ZFHX3: variants seen among roughly 807,000 people sequenced by gnomAD.
ZFHX3 encodes the protein zinc finger homeobox protein 3.
ZFHX3 carries 42 observed loss-of-function variants against 279.1 expected under a neutral mutation model. The observed-to-expected ratio is 0.15, with a 90% CI of 0.12 to 0.19. ZFHX3 has a LOEUF of 0.19. Among genes scored for constraint, ZFHX3 ranks in the 10% least tolerant of loss-of-function variants. The probability of loss-of-function intolerance (pLI) is 1.00; values close to 1 mark genes in which losing one functional copy is unlikely to be tolerated. For missense variants in ZFHX3, 4,981 were observed against 4,754.0 expected, an observed-to-expected ratio of 1.05 and a Z score of -1.40; for synonymous variants, 2,293 against 1,957.8, an observed-to-expected ratio of 1.17 and a Z score of -4.52.
At chr16:73,817,397 T>C (rs1214086302) in intron 1 of ZFHX3, among the ~76,000 whole-genome samples, 1 of 152,204 alleles carries the variant, frequency 6.6e-6, no homozygotes, top group African/African-American at 2.4e-5. Flanking sequence ...CAATATCCTG[T>C]CATCACTAAT....
At chr16:73,872,204 T>G (rs1273325296) in intron 1 of ZFHX3, among the ~76,000 whole-genome samples, 1 of 151,980 alleles carries the variant, frequency 6.6e-6, no homozygotes, top group African/African-American at 2.4e-5. Context: ...ATATGGCTGC[T>G]GTCCTCCAAT....
intron 2 of ZFHX3, among the ~76,000 whole-genome samples, chr16:73,556,293 C>CCGAAGGAGAGAA (rs2020281068): frequency 6.6e-6 from 1 of 151,960 alleles, no homozygotes; most frequent in South Asian, 2.1e-4. Context: ...CAACAAGGAT[C>CCGAAGGAGAGAA]CGAAGGAGAG....
At chr16:72,955,187 C>T (rs1239687896) in intron 2 of ZFHX3, among the ~76,000 whole-genome samples, 1 of 152,156 alleles carries the variant, frequency 6.6e-6, no homozygotes, top group Non-Finnish European at 1.5e-5. Context: ...CCAAGGAAGG[C>T]ACAGGTTTCC....
chr16:73,265,075 A>G lies in ZFHX3; in HGVS notation c.-1193-7939T>C, dbSNP rs555865483. The stretch of plus-strand genomic sequence containing the variant: ...TATATAATAGCACCTCAGCGCATAT[A>G]TGCGTGTGTGTGTGTGTGTGTGTGT... On this transcript the variant is annotated intron_variant, in intron 4 of 17. Transcript: ENST00000641206. Among the ~76,000 whole-genome samples the G allele has an allele frequency of 4.8e-4, 44 of 91,198 alleles. 1 individual carries two copies. The East Asian group carries it at 0.016, about 34-fold the overall frequency. 59.8% of individuals were successfully genotyped at this position (91,198 alleles called of 152,430 possible).
chr16:73,644,235 CT>C (rs1567540967), intron 2 of ZFHX3, among the ~76,000 whole-genome samples: 1 of 152,112 alleles, frequency 6.6e-6, no homozygotes, highest in Admixed American at 6.5e-5. Flanking sequence ...CCGAGTCCTC[CT>C]TTCCTTGCTC....
intron 3 of ZFHX3, among the ~76,000 whole-genome samples, chr16:73,410,305 A>G (rs1468781792): frequency 1.3e-5 from 2 of 152,126 alleles, no homozygotes; most frequent in African/African-American, 4.8e-5. Flanking sequence ...AATGCCAGCT[A>G]CTCAGGAGGC....
At chr16:73,561,705 C>T (rs2020372199) in intron 2 of ZFHX3, among the ~76,000 whole-genome samples, 1 of 152,076 alleles carries the variant, frequency 6.6e-6, no homozygotes, top group Admixed American at 6.6e-5. Flanking sequence ...TTCTCTTTTC[C>T]CTTCTGATTA....
intron 5 of ZFHX3, among the ~76,000 whole-genome samples, chr16:73,185,100 C>T (rs1485677308): frequency 6.6e-6 from 1 of 152,044 alleles, no homozygotes; most frequent in Non-Finnish European, 1.5e-5. Context: ...GCCTCAGCCT[C>T]CCTGGTAGCT....
intron 2 of ZFHX3, among the ~76,000 whole-genome samples, chr16:73,512,986 T>A (rs539563681): frequency 3.9e-5 from 6 of 152,306 alleles, no homozygotes; most frequent in Admixed American, 3.3e-4. Flanking sequence ...GGAAATGCCA[T>A]CATAGAAGAG....
At chr16:73,030,196 A>T (rs928388519) in intron 1 of ZFHX3, among the ~76,000 whole-genome samples, 1 of 152,206 alleles carries the variant, frequency 6.6e-6, no homozygotes, top group East Asian at 1.9e-4. Context: ...GAGCCCACCC[A>T]AGGGCAAGAG....
chr16:73,150,701 A>C (rs2144845255), intron 5 of ZFHX3, among the ~76,000 whole-genome samples: 1 of 152,364 alleles, frequency 6.6e-6, no homozygotes, highest in East Asian at 1.9e-4. Flanking sequence ...ACTGGTGGAC[A>C]TGATTTGCTC....
At chr16:73,689,834 TG>T (rs1019642264) in intron 1 of ZFHX3, among the ~76,000 whole-genome samples, 25 of 151,282 alleles carry the variant, frequency 1.7e-4, no homozygotes, top group African/African-American at 4.9e-4. Context: ...TTGTTGTTGT[TG>T]TTTTTTTGAG....
chr16:73,795,536 C>T (rs552761883), intron 1 of ZFHX3, among the ~76,000 whole-genome samples: 1 of 152,210 alleles, frequency 6.6e-6, no homozygotes, highest in South Asian at 2.1e-4. Context: ...AATAGAGAAC[C>T]TTTCTATCTC....
chr16:73,022,618 C>A (rs1185408562), intron 1 of ZFHX3, among the ~76,000 whole-genome samples: 3 of 152,116 alleles, frequency 2.0e-5, no homozygotes, highest in Non-Finnish European at 4.4e-5. Context: ...AGCAAAATCA[C>A]CCCCTACGGA....
At chr16:73,728,231 C>G (rs888262332) in intron 1 of ZFHX3, among the ~76,000 whole-genome samples, 1 of 152,108 alleles carries the variant, frequency 6.6e-6, no homozygotes, top group Non-Finnish European at 1.5e-5. Flanking sequence ...TGGGCATAGA[C>G]AGAGGAAAGA....
Position 73,703,581 on chromosome 16 carries a change from G to A in ZFHX3, c.-1607-23341C>T, listed in dbSNP as rs143848237. Among the ~76,000 whole-genome samples, 480 of 152,108 alleles carry A rather than the reference G, an allele frequency of 3.2e-3. 3 individuals carry two copies. Among genetic ancestry groups the A allele is most frequent in the African/African-American group, 0.011 (457 of 41,474 alleles). On this transcript the variant is annotated intron_variant, in intron 1 of 17. Transcript: ENST00000641206. The stretch of plus-strand genomic sequence containing the variant: ...GCACAAGCAGAGAGAGTCATGAAAC[G>A]GTACCCATAACGAACCAGTAATAAA...
intron 1 of ZFHX3, among the ~76,000 whole-genome samples, chr16:73,762,156 T>C (rs1422310665): frequency 6.6e-6 from 1 of 151,246 alleles, no homozygotes; most frequent in Non-Finnish European, 1.5e-5. Context: ...AACAACACCA[T>C]TAAAAAGTAG....
chr16:73,372,715 T>G (rs2016653248), intron 3 of ZFHX3, among the ~76,000 whole-genome samples: 1 of 152,212 alleles, frequency 6.6e-6, no homozygotes, highest in Admixed American at 6.5e-5. Context: ...GGACAGGACC[T>G]TGGATGATTC....
intron 1 of ZFHX3, among the ~76,000 whole-genome samples, chr16:73,039,876 A>T (rs1187968975): frequency 6.6e-6 from 1 of 152,142 alleles, no homozygotes; most frequent in Non-Finnish European, 1.5e-5. Flanking sequence ...AGGAGGGGAC[A>T]TCCCTTTGCA....
Sources: gnomAD v4.1 joint callset for allele counts (sites outside exome capture counted in the v4.1 genomes callset) on GRCh38, gnomAD v4.1.1 for gene constraint, MANE v1.5 for transcripts, NCBI Gene and HGNC (gene_info 2026-07-23, HGNC 2026-07-21) for gene names.